Variants in ZNF423 observed in about 807,000 individuals in gnomAD.
The protein encoded by ZNF423 is zinc finger protein 423, also known as Ebf-associated zinc finger protein.
In ZNF423, 12 loss-of-function variants were observed where a neutral mutation model predicts 95.8. The ratio of observed to expected loss-of-function variants is 0.13; its 90% CI spans 0.08 to 0.20. The LOEUF (loss-of-function observed/expected upper bound fraction) is 0.20, where lower values mean the gene tolerates loss of function less well. Among genes scored for constraint, ZNF423 ranks in the 10% least tolerant of loss-of-function variants. The pLI is 1.00. For synonymous variants in ZNF423, 749 were observed against 711.9 expected (o/e 1.05, Z -0.83); for missense variants, 1,316 against 1,737.1 (o/e 0.76, Z 4.31).
chr16:49,540,455 T>C (rs1381366348), intron 5 of ZNF423, among the ~76,000 whole-genome samples: 2 of 151,962 alleles, frequency 1.3e-5, no homozygotes, highest in African/African-American at 4.8e-5. Context: ...TTTTTTTTCT[T>C]TTTTTGGTAG....
At chr16:49,548,023 C>T (rs1451117574) in intron 5 of ZNF423, among the ~76,000 whole-genome samples, 1 of 152,128 alleles carries the variant, frequency 6.6e-6, no homozygotes, top group Admixed American at 6.5e-5. Flanking sequence ...ATCATCATTG[C>T]CATGGAAAAT....
At chr16:49,694,430 T>C (rs1188927894) in intron 3 of ZNF423, among the ~76,000 whole-genome samples, 1 of 152,176 alleles carries the variant, frequency 6.6e-6, no homozygotes. Flanking sequence ...GCAGTAGAAT[T>C]GGATTTGTAA....
At chr16:49,688,673 T>C (rs746549980) in intron 3 of ZNF423, among the ~76,000 whole-genome samples, 3 of 152,242 alleles carry the variant, frequency 2.0e-5, no homozygotes, top group Admixed American at 6.5e-5. Flanking sequence ...GCACTCATGC[T>C]CTTAAAACAC....
At chr16:49,529,863 C>A (rs373263758) in intron 5 of ZNF423, among the ~76,000 whole-genome samples, 1 of 152,216 alleles carries the variant, frequency 6.6e-6, no homozygotes, top group East Asian at 1.9e-4. Flanking sequence ...CCTGCTCCAG[C>A]CACAACGGAT....
chr16:49,528,947 G>A (rs1355566785), intron 5 of ZNF423, among the ~76,000 whole-genome samples: 2 of 151,858 alleles, frequency 1.3e-5, no homozygotes, highest in Non-Finnish European at 2.9e-5. Flanking sequence ...TGCAGGGTCC[G>A]CCGATAGTGG....
chr16:49,753,344 A>G (rs1382222730), intron 2 of ZNF423, among the ~76,000 whole-genome samples: 1 of 151,986 alleles, frequency 6.6e-6, no homozygotes, highest in Non-Finnish European at 1.5e-5. Context: ...GCTCACACCT[A>G]TAATACTAGC....
chr16:49,812,070 G>A (rs572917843), intron 1 of ZNF423, among the ~76,000 whole-genome samples: 3 of 152,346 alleles, frequency 2.0e-5, no homozygotes, highest in East Asian at 3.9e-4. Flanking sequence ...GTGACTAGGC[G>A]GGGTGCTCCA....
At chr16:49,688,044 C>G (rs1354928177) in intron 3 of ZNF423, among the ~76,000 whole-genome samples, 1 of 126,364 alleles carries the variant, frequency 7.9e-6, no homozygotes, top group East Asian at 2.3e-4. Flanking sequence ...GTGCTGCAGA[C>G]CACGGTGCGG....
intron 3 of ZNF423, among the ~76,000 whole-genome samples, chr16:49,640,450 T>C (rs1232298764): frequency 6.6e-6 from 1 of 151,986 alleles, no homozygotes; most frequent in Non-Finnish European, 1.5e-5. Context: ...GACCTGTGGT[T>C]TCCCTACAAG....
intron 4 of ZNF423, among the ~76,000 whole-genome samples, chr16:49,630,901 G>C (rs556962871): frequency 6.6e-6 from 1 of 152,026 alleles, no homozygotes; most frequent in Non-Finnish European, 1.5e-5. Flanking sequence ...CGGGAGAAGG[G>C]CTGACCCCTC....
chr16:49,766,819 A>G (rs2033938074), intron 2 of ZNF423, among the ~76,000 whole-genome samples: 1 of 152,214 alleles, frequency 6.6e-6, no homozygotes, highest in Non-Finnish European at 1.5e-5. Context: ...GCTATAAACT[A>G]GGACCTCTGA....
chr16:49,668,478 G>T (rs1596822143), intron 3 of ZNF423, among the ~76,000 whole-genome samples: 1 of 152,182 alleles, frequency 6.6e-6, no homozygotes, highest in South Asian at 2.1e-4. Flanking sequence ...CTCAGAAAAA[G>T]AACCTGGACA....
chr16:49,804,891 C>CTTTT (rs754687457), intron 1 of ZNF423, among the ~76,000 whole-genome samples: 11 of 95,940 alleles, frequency 1.1e-4, no homozygotes, highest in African/African-American at 1.2e-4. Flanking sequence ...GATCCCACAG[C>CTTTT]TTTTTTTTTT....
intron 5 of ZNF423, among the ~76,000 whole-genome samples, chr16:49,527,951 C>G (rs1968679513): frequency 6.6e-6 from 1 of 152,194 alleles, no homozygotes; most frequent in Admixed American, 6.5e-5. Flanking sequence ...CACACGACTA[C>G]TCCCTCACTA....
intron 2 of ZNF423, among the ~76,000 whole-genome samples, chr16:49,781,836 A>G (rs1254042807): frequency 2.0e-5 from 3 of 152,176 alleles, no homozygotes; most frequent in African/African-American, 7.2e-5. Context: ...GGGAGGCTTC[A>G]ATGCATTCTT....
chr16:49,711,446 A>C (rs1193566244), intron 3 of ZNF423: 1 of 152,258 alleles, frequency 6.6e-6, no homozygotes, highest in Non-Finnish European at 1.5e-5. Flanking sequence ...AGCAAGTTGC[A>C]GAATGATAGA....
chr16:49,799,913 C>G (rs1312848055), intron 1 of ZNF423, among the ~76,000 whole-genome samples: 2 of 152,148 alleles, frequency 1.3e-5, no homozygotes, highest in East Asian at 3.9e-4. Context: ...CCTCAGCCTC[C>G]TGCGTAGCTA....
chr16:49,817,553 C>T (rs147035295), intron 1 of ZNF423, among the ~76,000 whole-genome samples: 6 of 152,196 alleles, frequency 3.9e-5, no homozygotes, highest in Admixed American at 6.5e-5. Context: ...GACCAGGGTG[C>T]GGGTCCAGAG....
intron 3 of ZNF423, among the ~76,000 whole-genome samples, chr16:49,716,632 C>T (rs756812134): frequency 6.6e-6 from 1 of 152,146 alleles, no homozygotes; most frequent in South Asian, 2.1e-4. Context: ...CCAATAGTAG[C>T]GCTTTATTTT....
Sources: gnomAD v4.1 joint callset for allele counts (sites outside exome capture counted in the v4.1 genomes callset) on GRCh38, gnomAD v4.1.1 for gene constraint, MANE v1.5 for transcripts, NCBI Gene and HGNC (gene_info 2026-07-23, HGNC 2026-07-21) for gene names.